The following KCTD1 variants were observed in gnomAD, a reference collection of about 807,000 sequenced individuals.
KCTD1 encodes the protein BTB/POZ domain-containing protein KCTD1.
A neutral mutation model predicts 66.0 loss-of-function variants in KCTD1; 24 were observed. That is an observed-to-expected ratio of 0.36 (90% confidence interval 0.26 to 0.51). The LOEUF (loss-of-function observed/expected upper bound fraction) is 0.51, where lower values mean the gene tolerates loss of function less well. Ranked by LOEUF, KCTD1 falls within the 20% of genes least tolerant of loss-of-function variation. The pLI is 0.95. For synonymous variants in KCTD1, 511 were observed against 517.2 expected (o/e 0.99, Z 0.16); for missense variants, 943 against 1,205.2 (o/e 0.78, Z 3.22).
At chr18:26,556,376 C>G (rs902979659) in intron 1 of KCTD1, among the ~76,000 whole-genome samples, 3 of 152,102 alleles carry the variant, frequency 2.0e-5, no homozygotes, top group Non-Finnish European at 4.4e-5. Context: ...ACAGCCTGTC[C>G]CTGGATTAGG....
upstream of KCTD1, among the ~76,000 whole-genome samples, chr18:26,644,726 C>T (rs1359129188): frequency 2.0e-5 from 3 of 150,974 alleles, no homozygotes; most frequent in Admixed American, 2.0e-4. Context: ...CCATTACACT[C>T]CAGCCTGGCA....
intron 1 of KCTD1, among the ~76,000 whole-genome samples, chr18:26,509,133 AATCTTTCTGGTAATTTCACTTAAGT>A (rs1274231717): frequency 2.9e-4 from 40 of 140,128 alleles, no homozygotes; most frequent in African/African-American, 1.1e-3. Context: ...GAAAGAAAAT[AATCTTTCTGGTAATTTCACTTAAGT>A]AAAAAAAAAA....
intron 2 of KCTD1, among the ~76,000 whole-genome samples, chr18:26,493,703 A>T (rs1171583606): frequency 6.6e-6 from 1 of 152,230 alleles, no homozygotes; most frequent in Admixed American, 6.5e-5. Flanking sequence ...CATTACAAAC[A>T]ATCCAATTGT....
chr18:26,562,167 A>G (rs1271016064), intron 1 of KCTD1, among the ~76,000 whole-genome samples: 1 of 152,026 alleles, frequency 6.6e-6, no homozygotes, highest in Non-Finnish European at 1.5e-5. Flanking sequence ...CCTGGACAAT[A>G]TCCCATCCTC....
intron 1 of KCTD1, among the ~76,000 whole-genome samples, chr18:26,593,292 G>A (rs1331977145): frequency 6.8e-6 from 1 of 146,910 alleles, no homozygotes; most frequent in Non-Finnish European, 1.5e-5. Context: ...GGAGGAGGAG[G>A]AGCAATATGA....
chr18:26,577,891 G>A (rs1423800115), intron 1 of KCTD1, among the ~76,000 whole-genome samples: 1 of 151,888 alleles, frequency 6.6e-6, no homozygotes, highest in East Asian at 1.9e-4. Flanking sequence ...TCTTAATTCT[G>A]ATCACCCATA....
chr18:26,594,962 A>C (rs1196032606), intron 1 of KCTD1, among the ~76,000 whole-genome samples: 1 of 151,462 alleles, frequency 6.6e-6, no homozygotes, highest in African/African-American at 2.4e-5. Context: ...TAGAATAAAT[A>C]TCTCTCTCTC....
upstream of KCTD1, chr18:26,549,880 C>T: frequency 1.1e-6 from 1 of 876,286 alleles, no homozygotes; most frequent in Non-Finnish European, 1.4e-6. Context: ...AGCCAAACGC[C>T]CGCCCCCGGC....
chr18:26,586,321 A>G (rs1469803206), intron 1 of KCTD1, among the ~76,000 whole-genome samples: 1 of 152,122 alleles, frequency 6.6e-6, no homozygotes, highest in Non-Finnish European at 1.5e-5. Flanking sequence ...AATTGTTTTG[A>G]GGTGCCATGA....
chr18:26,632,528 AAAG>A (rs1313489157), upstream of KCTD1, among the ~76,000 whole-genome samples: 2 of 152,216 alleles, frequency 1.3e-5, no homozygotes, highest in Non-Finnish European at 2.9e-5. Context: ...AAACAATTGG[AAAG>A]AAGAAATAAA....
At chr18:26,648,039 T>G (rs1987963203) in intron 1 of KCTD1, among the ~76,000 whole-genome samples, 1 of 151,624 alleles carries the variant, frequency 6.6e-6, no homozygotes, top group African/African-American at 2.4e-5. Context: ...AGAGACGGGG[T>G]TTCACCATGT....
At chr18:26,503,569 G>A (rs753138741) in intron 1 of KCTD1, among the ~76,000 whole-genome samples, 13 of 152,192 alleles carry the variant, frequency 8.5e-5, no homozygotes, top group Non-Finnish European at 1.6e-4. Context: ...GCGCGGCAGA[G>A]TCTGTAATAG....
chr18:26,651,640 C>T (rs1446618228), intron 1 of KCTD1, among the ~76,000 whole-genome samples: 6 of 151,700 alleles, frequency 4.0e-5, no homozygotes, highest in African/African-American at 1.5e-4. Context: ...AAAAATTAGC[C>T]GATCATGGTG....
intron 2 of KCTD1, among the ~76,000 whole-genome samples, chr18:26,495,106 T>C (rs1982399189): frequency 8.9e-6 from 1 of 112,816 alleles, no homozygotes; most frequent in Admixed American, 8.2e-5. Context: ...ATTGAATGCA[T>C]TTTTTTTTTT....
At chr18:26,635,311 A>C (rs1230538022) in intron 1 of KCTD1, among the ~76,000 whole-genome samples, 1 of 152,198 alleles carries the variant, frequency 6.6e-6, no homozygotes, top group African/African-American at 2.4e-5. Context: ...TTCCCTGCCC[A>C]CTGTGCCCAC....
intron 1 of KCTD1, among the ~76,000 whole-genome samples, chr18:26,637,613 C>T (rs1221778588): frequency 6.6e-6 from 1 of 152,176 alleles, no homozygotes; most frequent in African/African-American, 2.4e-5. Flanking sequence ...GTAGCCCTGT[C>T]GCTTCAGTGG....
intron 1 of KCTD1, among the ~76,000 whole-genome samples, chr18:26,647,898 G>C (rs559395526): frequency 2.0e-5 from 3 of 152,006 alleles, no homozygotes; most frequent in Non-Finnish European, 4.4e-5. Flanking sequence ...GGAGTGCAGT[G>C]GCATAATCTC....
chr18:26,479,538 G>A (rs893641448), intron 2 of KCTD1, among the ~76,000 whole-genome samples: 2 of 152,260 alleles, frequency 1.3e-5, no homozygotes, highest in African/African-American at 4.8e-5. Flanking sequence ...GAGCAGGCAA[G>A]GGGTGTGGAG....
intron 1 of KCTD1, among the ~76,000 whole-genome samples, chr18:26,559,192 C>T (rs1985785817): frequency 6.6e-6 from 1 of 152,008 alleles, no homozygotes; most frequent in Non-Finnish European, 1.5e-5. Context: ...TTTGGTGGCA[C>T]AACAGGGGGA....
Sources: gnomAD v4.1 joint callset for allele counts (sites outside exome capture counted in the v4.1 genomes callset) on GRCh38, gnomAD v4.1.1 for gene constraint, MANE v1.5 for transcripts, NCBI Gene and HGNC (gene_info 2026-07-23, HGNC 2026-07-21) for gene names.